Variants in EPG5 observed in about 807,000 individuals in gnomAD.
EPG5 encodes the protein ectopic P granules protein 5 homolog.
Under a neutral mutation model 302.7 loss-of-function variants are expected in EPG5, and 159 were observed. The observed-to-expected ratio is 0.53, with a 90% CI of 0.46 to 0.60. The LOEUF (loss-of-function observed/expected upper bound fraction) is 0.60, where lower values mean the gene tolerates loss of function less well. Among genes scored for constraint, EPG5 ranks in the 20% least tolerant of loss-of-function variants. The pLI is 0.00. For missense variants in EPG5, 2,896 were observed against 3,092.4 expected, an observed-to-expected ratio of 0.94 and a Z score of 1.51; for synonymous variants, 1,158 against 1,136.8, an observed-to-expected ratio of 1.02 and a Z score of -0.37.
the EPG5 span, among the ~76,000 whole-genome samples, chr18:45,841,330 C>T: frequency 7.4e-4 from 113 of 152,002 alleles, no homozygotes; most frequent in African/African-American, 2.7e-3. Context: ...AGGGGCAGCC[C>T]GGGAGAGGAA....
At chr18:45,835,196 A>C in the EPG5 span, among the ~76,000 whole-genome samples, 2 of 152,312 alleles carry the variant, frequency 1.3e-5, no homozygotes, top group African/African-American at 2.4e-5. Context: ...GCAAGAGAAG[A>C]AGCAGAAGTT....
At chr18:45,901,648 A>G (rs963543647) in intron 25 of EPG5, among the ~76,000 whole-genome samples, 1 of 152,224 alleles carries the variant, frequency 6.6e-6, no homozygotes, top group Admixed American at 6.5e-5. Flanking sequence ...GATAAAATGA[A>G]TGAAGACATA....
rs1393186138 is a variant in EPG5, at chr18:45,889,015, C to A, written c.4952+783G>T. Among the ~76,000 whole-genome samples, 6 of 152,204 alleles carry A rather than the reference C, an allele frequency of 3.9e-5. No homozygotes were observed. In the South Asian group the frequency reaches 1.0e-3, roughly 26 times the overall value. ...AAGATAGCCCTTCCAATTCTCACAC[C>A]TTTTTGTGTCCCTTTCCCAGTAAAA... is the stretch of plus-strand genomic sequence containing the variant. On this transcript the variant is annotated intron_variant, in intron 28 of 43. Coordinates refer to ENST00000282041, the MANE Select transcript of EPG5 (RefSeq NM_020964.3).
At chr18:45,871,455 T>C (rs753762196) in intron 35 of EPG5, among the ~76,000 whole-genome samples, 44 of 152,134 alleles carry the variant, frequency 2.9e-4, no homozygotes, top group Non-Finnish European at 4.1e-4. Flanking sequence ...AGGAAATCGA[T>C]AGGGAGAAGG....
intron 42 of EPG5, among the ~76,000 whole-genome samples, chr18:45,856,699 C>T (rs535928883): frequency 4.7e-4 from 71 of 152,318 alleles, no homozygotes; most frequent in African/African-American, 1.6e-3. Flanking sequence ...CCCAAAGTTA[C>T]AACATCACAA....
rs1433606160 is a variant in EPG5, at chr18:45,953,908, T to G, written c.1008+486A>C. On this transcript the variant is annotated intron_variant, in intron 2 of 43. Coordinates refer to ENST00000282041, the MANE Select transcript of EPG5 (RefSeq NM_020964.3). ...TCATCCCTTCTCAACCTTGACACTC[T>G]CTTCCCATTGGATGTTGGTAGCATT... 3.0e-6 allele frequency: 3 copies of G among 985,234 alleles called. No individual in the cohort carries two copies. The East Asian group carries it at 3.4e-4, about 112-fold the overall frequency. The allele number at this position is 985,234 out of a possible 1,614,324, so 61.0% of individuals were successfully genotyped here.
rs1221979675 is a variant in EPG5 at position 45,954,659 on chromosome 18, G to A, written c.743C>T (p.Ser248Phe). Residue 248 changes from serine to phenylalanine, a missense_variant, in exon 2 of 44, where the codon TCT (serine) becomes TTT (phenylalanine). Ser to Phe is a radical substitution (Grantham distance 155). This residue lies in a region of EPG5 where 1,390 missense variants were observed against 1,430.0 expected (regional missense o/e 0.97). Transcript: ENST00000282041. ...RSERLYPELP[S>F]QLELVPFTKE... ...AGTAAATGGTACTAGTTCCAGTTGA[G>A]ACGGGAGTTCTGGGTAGAGTCGCTC... The A allele has an allele frequency of 3.1e-6, 5 of 1,614,248 alleles. No homozygotes were observed. The highest frequency in any genetic ancestry group is 4.2e-6 in the Non-Finnish European group (5 of 1,180,054).
chr18:45,882,589 C>G, intron 30 of EPG5, 102 bp from the exon 31 acceptor site: 2 of 805,494 alleles, frequency 2.5e-6, no homozygotes, highest in Non-Finnish European at 3.8e-6. Flanking sequence ...AAAAATTACC[C>G]AGCATTTTAT....
At chr18:45,966,881 G>A (rs1199725664) in intron 1 of EPG5, among the ~76,000 whole-genome samples, 1 of 152,144 alleles carries the variant, frequency 6.6e-6, no homozygotes, top group Non-Finnish European at 1.5e-5. Flanking sequence ...TTATTTCACG[G>A]CAGGAAACCA....
In EPG5 at chr18:45,855,553, C is replaced by T; in HGVS notation, c.7557+20G>A. 6.3e-7 allele frequency: 1 copy of T among 1,590,736 alleles called. No individual in the cohort carries two copies. Among genetic ancestry groups the T allele is most frequent in the African/African-American group, 1.3e-5 (1 of 74,544 alleles). On this transcript the variant is annotated intron_variant, in intron 43 of 43. Transcript: ENST00000282041. Reference sequence around the variant, plus strand: ...GAAGATGTGCAGGCAAACTTCTAACCCTTCATTGTATATACTGACCTGCTG... The same window carrying T: ...GAAGATGTGCAGGCAAACTTCTAACTCTTCATTGTATATACTGACCTGCTG...
chr18:45,946,791 C>A (rs528765573), intron 6 of EPG5, 23 bp from the exon 7 acceptor site: 2 of 1,595,790 alleles, frequency 1.3e-6, no homozygotes, highest in Non-Finnish European at 8.6e-7. Context: ...AATAATCACT[C>A]CCATCACTTA....
At chr18:45,951,461 ATT>A (rs11367037) in intron 3 of EPG5, among the ~76,000 whole-genome samples, 73 of 144,854 alleles carry the variant, frequency 5.0e-4, no homozygotes, top group Admixed American at 8.9e-4. Flanking sequence ...CCTCATCATA[ATT>A]TTTTTTTTTT....
the EPG5 span, among the ~76,000 whole-genome samples, chr18:45,805,500 G>A: frequency 2.7e-5 from 4 of 150,110 alleles, no homozygotes; most frequent in African/African-American, 9.8e-5. Context: ...CAAATAAAAT[G>A]GTGTATCAAA....
intron 32 of EPG5, among the ~76,000 whole-genome samples, chr18:45,879,551 T>G (rs1436366165): frequency 6.6e-6 from 1 of 152,150 alleles, no homozygotes; most frequent in East Asian, 1.9e-4. Context: ...TATTCTTTAG[T>G]AGAGACAGGG....
In EPG5 at chr18:45,949,528, G is replaced by T. The variant is rs745425455; in HGVS notation, c.1453C>A (p.Arg485=). The T allele has an allele frequency of 6.2e-7, 1 of 1,613,142 alleles. No homozygotes were observed. The highest frequency in any genetic ancestry group is 1.3e-5 in the African/African-American group (1 of 74,966). The stretch of plus-strand genomic sequence containing the variant: ...CATTTACTAACACCAGCGGGGCATC[G>T]AAGAATATGGTTTAGAAGGAAGAGG... ...DHLFLLNHIL[R]CPAGVSKWAV... The change falls in exon 5 of 44, where the codon CGA becomes AGA. Residue 485 remains arginine, a synonymous_variant. Coordinates refer to ENST00000282041, the MANE Select transcript of EPG5 (RefSeq NM_020964.3).
At chr18:45,806,344 A>G in the EPG5 span, among the ~76,000 whole-genome samples, 6 of 152,220 alleles carry the variant, frequency 3.9e-5, no homozygotes, top group Non-Finnish European at 8.8e-5. Context: ...GGTGGGCGGG[A>G]GGCAGGACTA....
chr18:45,943,128 G>A (rs2050706735), intron 9 of EPG5, 33 bp downstream of exon 9: 1 of 1,605,246 alleles, frequency 6.2e-7, no homozygotes, highest in Non-Finnish European at 8.5e-7. Context: ...AGGGTGAAAG[G>A]AACAGAGAAG....
chr18:45,862,450 T>C (rs552721967), intron 39 of EPG5, among the ~76,000 whole-genome samples: 36 of 152,314 alleles, frequency 2.4e-4, no homozygotes, highest in African/African-American at 8.2e-4. Context: ...CCAAATCTCA[T>C]GTTGAACCGT....
the EPG5 span, among the ~76,000 whole-genome samples, chr18:45,811,717 C>T: frequency 6.6e-6 from 1 of 152,190 alleles, no homozygotes; most frequent in South Asian, 2.1e-4. Flanking sequence ...AATTCAACAA[C>T]ACTTCATGCT....
Sources: gnomAD v4.1 joint callset for allele counts (sites outside exome capture counted in the v4.1 genomes callset) on GRCh38, gnomAD v4.1.1 for gene constraint, gnomAD v4.1.1 regional missense constraint, MANE v1.5 for transcripts, NCBI Gene and HGNC (gene_info 2026-07-23, HGNC 2026-07-21) for gene names.